Variants in MBD5 observed in about 807,000 individuals in gnomAD.
MBD5 encodes the protein methyl-CpG binding domain protein 5.
In MBD5, 13 loss-of-function variants were observed where a neutral mutation model predicts 117.3. The ratio of observed to expected loss-of-function variants is 0.11; its 90% CI spans 0.07 to 0.18. MBD5 has a LOEUF of 0.18. MBD5 is among the 10% of genes least tolerant of loss of function. The pLI is 1.00. For missense variants in MBD5, 1,879 were observed against 2,093.8 expected (o/e 0.90, Z 2.00); for synonymous variants, 727 against 766.4 (o/e 0.95, Z 0.85).
chr2:148,274,681 T>G (rs1297177102), intron 3 of MBD5, among the ~76,000 whole-genome samples: 1 of 151,996 alleles, frequency 6.6e-6, no homozygotes, highest in Admixed American at 6.6e-5. Flanking sequence ...TTTAGAATTC[T>G]GTTACAAAAA....
At position 148,309,864 on chromosome 2, in the gene MBD5, T is replaced by C. The variant is rs2106522296; in HGVS notation, c.-679-32350T>C. ...CCTAGTTTATTGAGAGTTTTTAGCA[T>C]GAAGGGTTGTTGAATTTTATCAAAG... On this transcript the variant is annotated intron_variant, in intron 3 of 13. Coordinates refer to ENST00000642680, the MANE Select transcript of MBD5 (RefSeq NM_001378120.1). Among the ~76,000 whole-genome samples, 2 of 152,332 alleles carry C rather than the reference T, an allele frequency of 1.3e-5. 1 individual carries two copies. Among genetic ancestry groups the C allele is most frequent in the East Asian group, 3.9e-4 (2 of 5,186 alleles).
At chr2:148,436,448 C>T (rs1559070474) in intron 4 of MBD5, among the ~76,000 whole-genome samples, 1 of 152,180 alleles carries the variant, frequency 6.6e-6, no homozygotes, top group Non-Finnish European at 1.5e-5. Context: ...TCTTGGTTCA[C>T]TGCAACCTCC....
At chr2:148,391,873 T>C (rs1704580445) in intron 4 of MBD5, among the ~76,000 whole-genome samples, 1 of 152,206 alleles carries the variant, frequency 6.6e-6, no homozygotes, top group South Asian at 2.1e-4. Flanking sequence ...AACAAAGATA[T>C]ACAACATGTA....
At chr2:148,436,719 A>G (rs574447669) in intron 4 of MBD5, among the ~76,000 whole-genome samples, 94 of 152,232 alleles carry the variant, frequency 6.2e-4, no homozygotes, top group Non-Finnish European at 1.2e-3. Context: ...AAGGACCAGA[A>G]AGAGTATCCA....
chr2:148,046,053 G>A (rs1467526100), intron 1 of MBD5, among the ~76,000 whole-genome samples: 3 of 139,082 alleles, frequency 2.2e-5, no homozygotes, highest in Non-Finnish European at 4.5e-5. Context: ...GTGCAATCTC[G>A]GCTCACCACA....
chr2:148,366,273 A>G (rs1040807110), intron 4 of MBD5, among the ~76,000 whole-genome samples: 2 of 104,022 alleles, frequency 1.9e-5, no homozygotes, highest in African/African-American at 6.8e-5. Context: ...ATAAAATCCA[A>G]CACCCCTTCA....
At chr2:148,037,692 A>G (rs1694233541) in intron 1 of MBD5, among the ~76,000 whole-genome samples, 1 of 152,006 alleles carries the variant, frequency 6.6e-6, no homozygotes, top group Non-Finnish European at 1.5e-5. Flanking sequence ...GGAAAAATGC[A>G]TTTACAGAAA....
At chr2:148,348,321 A>G (rs191561659) in intron 4 of MBD5, among the ~76,000 whole-genome samples, 1 of 152,052 alleles carries the variant, frequency 6.6e-6, no homozygotes, top group Non-Finnish European at 1.5e-5. Context: ...AGCAAGGACA[A>G]TTCCTCCCTC....
chr2:148,213,169 G>A (rs1840139), intron 2 of MBD5, among the ~76,000 whole-genome samples: 19,107 of 152,028 alleles, frequency 0.13, 1,347 homozygotes, highest in Admixed American at 0.16. Context: ...AAATAATGAT[G>A]AACAAGTGGT....
Position 148,182,437 on chromosome 2 carries a change from G to A in MBD5, c.-831+3644G>A, listed in dbSNP as rs1698553985. On this transcript the variant is annotated intron_variant, in intron 2 of 13. Transcript: ENST00000642680. ...TTTAATACACTGTTGTGTTTGGTTA[G>A]CAAATATCTGACTGGAGATTTTGGA... Among the ~76,000 whole-genome samples, 4 of 152,058 alleles carry A rather than the reference G, an allele frequency of 2.6e-5. No homozygotes were observed. In the South Asian group the frequency reaches 8.3e-4, roughly 32 times the overall value.
At chr2:148,239,206 T>C (rs1348201560) in intron 3 of MBD5, among the ~76,000 whole-genome samples, 1 of 152,154 alleles carries the variant, frequency 6.6e-6, no homozygotes, top group Non-Finnish European at 1.5e-5. Context: ...TATGACTAGA[T>C]CTACATGTTT....
At chr2:148,090,951 A>G (rs1490825337) in intron 1 of MBD5, among the ~76,000 whole-genome samples, 1 of 152,118 alleles carries the variant, frequency 6.6e-6, no homozygotes, top group East Asian at 1.9e-4. Context: ...TTCCAAAAAG[A>G]TATGATAAAT....
rs763712002 is a variant in MBD5 at position 148,468,848 on chromosome 2, C to G, written c.905C>G (p.Thr302Ser). The G allele has an allele frequency of 6.2e-7, 1 of 1,613,984 alleles. No individual in the cohort carries two copies. Among genetic ancestry groups the G allele is most frequent in the East Asian group, 2.2e-5 (1 of 44,864 alleles). The change falls in exon 8 of 14, where the codon ACC becomes AGC. Residue 302 changes from threonine to serine, a missense_variant. Transcript: ENST00000642680. ...AGRTNIPLSP[T>S]LTTKSPVMKK... ...AGGACTAATATACCTCTTTCCCCAACCTTGACTACAAAGAGTCCAGTAATG... is the reference window on the plus strand; with the variant it reads ...AGGACTAATATACCTCTTTCCCCAAGCTTGACTACAAAGAGTCCAGTAATG...
At chr2:148,149,449 A>G (rs1405005744) in intron 1 of MBD5, among the ~76,000 whole-genome samples, 5 of 145,724 alleles carry the variant, frequency 3.4e-5, no homozygotes, top group South Asian at 2.4e-4. Context: ...CTTTGGGTAT[A>G]TACCCAGTAA....
intron 4 of MBD5, among the ~76,000 whole-genome samples, chr2:148,386,441 G>T (rs899640171): frequency 2.6e-5 from 4 of 152,196 alleles, no homozygotes; most frequent in Admixed American, 1.3e-4. Flanking sequence ...TATGCCGGCC[G>T]GGCGCGGTGG....
At chr2:148,280,473 C>G (rs912258848) in intron 3 of MBD5, among the ~76,000 whole-genome samples, 1 of 152,066 alleles carries the variant, frequency 6.6e-6, no homozygotes, top group Admixed American at 6.5e-5. Flanking sequence ...ACTCTGTCAC[C>G]CAGGCTGAAG....
intron 3 of MBD5, among the ~76,000 whole-genome samples, chr2:148,339,739 T>A (rs1034976172): frequency 2.6e-4 from 40 of 152,242 alleles, no homozygotes; most frequent in African/African-American, 8.9e-4. Flanking sequence ...GGTCACATAC[T>A]CTATACAAAA....
chr2:148,385,689 A>G (rs1382223834), intron 4 of MBD5, among the ~76,000 whole-genome samples: 1 of 151,716 alleles, frequency 6.6e-6, no homozygotes, highest in Non-Finnish European at 1.5e-5. Context: ...TATTCACAAT[A>G]GCAAAGACTT....
At chr2:148,346,206 A>AGAAGAAGAG (rs1553503690) in intron 4 of MBD5, 4 of 152,306 alleles carry the variant, frequency 2.6e-5, no homozygotes, top group African/African-American at 4.8e-5. Context: ...AAGAAGAAGA[A>AGAAGAAGAG]GAAGAGGAAG....
Sources: allele counts gnomAD v4.1 joint callset (sites outside exome capture counted in the v4.1 genomes callset), GRCh38; gene constraint gnomAD v4.1.1; transcripts MANE v1.5; gene names NCBI Gene and HGNC (gene_info 2026-07-23, HGNC 2026-07-21).